Variants in ITGAE observed in about 807,000 individuals in gnomAD.
The protein encoded by ITGAE is integrin alpha-E.
In ITGAE, 99 loss-of-function variants were observed where a neutral mutation model predicts 136.5. The observed-to-expected ratio is 0.73, with a 90% CI of 0.62 to 0.86. The LOEUF (loss-of-function observed/expected upper bound fraction) is 0.86. Ranked by LOEUF, ITGAE falls within the 40% of genes least tolerant of loss-of-function variation. The pLI, the probability that ITGAE is intolerant of heterozygous loss-of-function variation, is 0.00. For synonymous variants in ITGAE, 613 were observed against 591.8 expected (o/e 1.04, Z -0.52); for missense variants, 1,447 against 1,515.3 (o/e 0.95, Z 0.75).
rs7224740 is a variant in ITGAE at position 3,730,842 on chromosome 17, G to A, written c.2834+262C>T. On this transcript the variant is annotated intron_variant, in intron 23 of 30. Transcript: ENST00000263087. ...CAAGCTATTCCAAAGCTGAGTGAAC[G>A]AGAACCAGAACTCCAGGGCTCATTC... Among the ~76,000 whole-genome samples, 660 of 152,292 alleles carry A rather than the reference G, an allele frequency of 4.3e-3. 7 individuals are homozygous for A. Among genetic ancestry groups the A allele is most frequent in the African/African-American group, 0.015 (638 of 41,564 alleles).
At chr17:3,744,279 C>G (rs1168353561) in intron 18 of ITGAE, among the ~76,000 whole-genome samples, 1 of 152,106 alleles carries the variant, frequency 6.6e-6, no homozygotes, top group African/African-American at 2.4e-5. Context: ...TGAAGGGACA[C>G]GTCCTTCAAG....
intron 27 of ITGAE, 27 bp from the exon 28 acceptor site, chr17:3,723,410 A>C: frequency 1.3e-6 from 2 of 1,503,324 alleles, no homozygotes; most frequent in South Asian, 2.2e-5. Flanking sequence ...TAGTGAACAC[A>C]ATTCCTTTCC....
chr17:3,785,716 C>T (rs1288262542), intron 1 of ITGAE, among the ~76,000 whole-genome samples: 2 of 150,436 alleles, frequency 1.3e-5, no homozygotes, highest in Admixed American at 6.6e-5. Flanking sequence ...AACCAACTTA[C>T]AGTAGAGAAA....
chr17:3,799,559 TATTATCA>T lies in ITGAE; in HGVS notation c.34+1545_34+1551del, dbSNP rs1304893002. Among the ~76,000 whole-genome samples, 10 of 152,206 alleles carry T rather than the reference TATTATCA, an allele frequency of 6.6e-5. No homozygotes were observed. Among genetic ancestry groups the T allele is most frequent in the African/African-American group, 2.4e-4 (10 of 41,528 alleles). On this transcript the variant is annotated intron_variant, in intron 1 of 30. Transcript: ENST00000263087. The surrounding 1 kb of genome is among the most constrained non-coding windows in gnomAD (Gnocchi z 4.1). ...GAGGCCTGGGCTTGAGCCTCGTGTC[TATTATCA>T]GTTGCTTGCAAGCCTGGGTAGTCAC... is the stretch of plus-strand genomic sequence containing the variant.
At chr17:3,776,328 G>A (rs1224086386) in intron 2 of ITGAE, among the ~76,000 whole-genome samples, 2 of 151,936 alleles carry the variant, frequency 1.3e-5, no homozygotes, top group East Asian at 1.9e-4. Flanking sequence ...AAAGTGCTGG[G>A]ATTACAGGCG....
intron 1 of ITGAE, among the ~76,000 whole-genome samples, chr17:3,797,077 C>G (rs188077965): frequency 4.0e-5 from 6 of 151,740 alleles, no homozygotes; most frequent in African/African-American, 1.5e-4. Context: ...CTCCCTCACC[C>G]TTCATCTCCC....
rs1567542917 is a variant in ITGAE, at chr17:3,763,899, C to T, written c.217G>A (p.Val73Ile). 1.2e-6 allele frequency: 2 copies of T among 1,613,898 alleles called. No individual in the cohort carries two copies. The highest frequency in any genetic ancestry group is 1.7e-6 in the Non-Finnish European group (2 of 1,179,976). Residue 73 changes from valine (V) to isoleucine (I), a missense_variant, in exon 3 of 31, where the codon GTC (valine) becomes ATC (isoleucine). Val to Ile is a conservative substitution (Grantham distance 29, BLOSUM62 3). Transcript: ENST00000263087. ...TPGPLHRCSLVQDEILCHPVE... is the reference protein window; with the variant it reads ...TPGPLHRCSLIQDEILCHPVE... ...GGATGGCAAAGGATTTCATCCTGGA[C>T]AAGGGAACATCGATGGAGGGGCCCT... is the stretch of plus-strand genomic sequence containing the variant.
intron 1 of ITGAE, among the ~76,000 whole-genome samples, chr17:3,792,623 AC>A (rs1441751056): frequency 6.6e-6 from 1 of 152,190 alleles, no homozygotes; most frequent in Non-Finnish European, 1.5e-5. Flanking sequence ...CATGTAGATC[AC>A]GCAGTGCCAG....
rs747858161 is a variant in ITGAE at position 3,745,884 on chromosome 17, C to T, written c.2199G>A (p.Val733=). 46 of 1,614,004 alleles carry T rather than the reference C, an allele frequency of 2.9e-5. No individual in the cohort carries two copies. Among genetic ancestry groups the T allele is most frequent in the Non-Finnish European group, 3.8e-5 (45 of 1,180,000 alleles). The change falls in exon 18 of 31, where the codon GTG becomes GTA. Residue 733 remains valine, a synonymous_variant. Transcript: ENST00000263087. The part of the protein sequence containing the change: ...ALLNFTLDVD[V]GKQRRRLQCS... The stretch of plus-strand genomic sequence containing the variant: ...ACTGCAGCCGTCTCCTCTGCTTCCC[C>T]ACATCCACATCCAGCGTGAAGTTGA...
At chr17:3,787,860 G>A (rs1291133003) in intron 1 of ITGAE, among the ~76,000 whole-genome samples, 1 of 151,820 alleles carries the variant, frequency 6.6e-6, no homozygotes. Context: ...GGTAATTTTT[G>A]TATTTTTAGT....
chr17:3,753,648 A>C, intron 13 of ITGAE, 135 bp downstream of exon 13: 3 of 1,202,036 alleles, frequency 2.5e-6, no homozygotes, highest in African/African-American at 1.5e-5. Context: ...AGAGCCCTCG[A>C]GCTCCACTCA....
intron 1 of ITGAE, among the ~76,000 whole-genome samples, chr17:3,779,227 G>A (rs1353619034): frequency 1.2e-4 from 19 of 152,280 alleles, no homozygotes; most frequent in Admixed American, 1.2e-3. Context: ...GTCACTGTAT[G>A]TAAATATTAC....
chr17:3,757,135 C>T lies in ITGAE; in HGVS notation c.1021-1G>A. ...TAGCACTCTTAAATTCTTCTCCCACCTGCACAGACAGCCTGGGTCAGCGAG... is the reference window on the plus strand; with the variant it reads ...TAGCACTCTTAAATTCTTCTCCCACTTGCACAGACAGCCTGGGTCAGCGAG... On this transcript the variant is annotated splice_acceptor_variant, in intron 9 of 30. Transcript: ENST00000263087. LOFTEE classifies it high-confidence loss of function. The T allele has an allele frequency of 1.2e-6, 2 of 1,613,784 alleles. No homozygotes were observed.
chr17:3,724,388 C>A, intron 26 of ITGAE: 3 of 1,609,898 alleles, frequency 1.9e-6, no homozygotes, highest in South Asian at 2.2e-5. Context: ...CGGACCTCAG[C>A]GTGTGCGGCC....
At chr17:3,752,876 C>A (rs1192396614) in intron 14 of ITGAE, among the ~76,000 whole-genome samples, 1 of 152,018 alleles carries the variant, frequency 6.6e-6, no homozygotes, top group Non-Finnish European at 1.5e-5. Flanking sequence ...ATGGAGAAAC[C>A]CTGTCTCTAC....
intron 29 of ITGAE, among the ~76,000 whole-genome samples, chr17:3,718,643 A>G (rs188202670): frequency 2.0e-5 from 3 of 152,376 alleles, no homozygotes; most frequent in Non-Finnish European, 1.5e-5. Flanking sequence ...TTGGATTTAA[A>G]GAAAGGAATT....
intron 26 of ITGAE, chr17:3,724,217 G>T: frequency 6.3e-7 from 1 of 1,593,598 alleles, no homozygotes; most frequent in African/African-American, 1.3e-5. Flanking sequence ...GGCCCAGCCT[G>T]ACCGTGACCC....
chr17:3,761,382 C>T, intron 5 of ITGAE, 21 bp downstream of exon 5: 2 of 1,600,326 alleles, frequency 1.2e-6, no homozygotes, highest in Non-Finnish European at 1.7e-6. Flanking sequence ...TATCCAAGGC[C>T]AGTGAATGTC....
At chr17:3,726,283 A>T in intron 26 of ITGAE, 1 of 1,614,102 alleles carries the variant, frequency 6.2e-7, no homozygotes, top group African/African-American at 1.3e-5. Flanking sequence ...ACAATGCTGA[A>T]CTTCAGCTCT....
Sources: allele counts gnomAD v4.1 joint callset (sites outside exome capture counted in the v4.1 genomes callset), GRCh38; gene constraint gnomAD v4.1.1; non-coding constraint Gnocchi (gnomAD v3.1); transcripts MANE v1.5; gene names NCBI Gene and HGNC (gene_info 2026-07-23, HGNC 2026-07-21).